The following ROPN1 variants were observed in gnomAD, a reference collection of about 807,000 sequenced individuals.
ROPN1 encodes the protein ropporin-1A.
Under a neutral mutation model 20.5 loss-of-function variants are expected in ROPN1, and 14 were observed. The observed-to-expected ratio is 0.68, with a 90% confidence interval of 0.45 to 1.07. ROPN1 has a LOEUF of 1.07. ROPN1 is among the 50% of genes least tolerant of loss of function. The probability of loss-of-function intolerance (pLI) is 0.00; values close to 1 mark genes in which losing one functional copy is unlikely to be tolerated. For synonymous variants in ROPN1, 76 were observed against 95.7 expected (o/e 0.79, Z 1.20); for missense variants, 169 against 242.8 (o/e 0.70, Z 2.02).
In ROPN1 at chr3:123,970,174, CATG is replaced by C. The variant is rs1309444520; in HGVS notation, c.437_439del (p.Ser146del). The C allele has an allele frequency of 1.2e-6, 2 of 1,613,966 alleles. No individual in the cohort carries two copies. The highest frequency in any genetic ancestry group is 2.7e-5 in the African/African-American group (2 of 74,914). On this transcript the variant is annotated inframe_deletion, in exon 5 of 6. Transcript: ENST00000405845. ...CCGGGGCGACCCACCATTATGGTCA[CATG>C]ATAAGACCTCACACACTATCTTGAG...
intron 1 of ROPN1, among the ~76,000 whole-genome samples, chr3:123,989,265 C>A (rs961796726): frequency 9.2e-5 from 14 of 152,208 alleles, no homozygotes; most frequent in Admixed American, 4.6e-4. Flanking sequence ...GGAAATATAG[C>A]TCAAGGCTTG....
chr3:123,975,828 A>G (rs2038008754), intron 3 of ROPN1: 1 of 374,590 alleles, frequency 2.7e-6, no homozygotes, highest in Non-Finnish European at 5.2e-6. Flanking sequence ...TTTATCTGCT[A>G]TTGTATTCCT....
In ROPN1 at chr3:123,980,487, G is replaced by C; in HGVS notation, c.-6C>G. On this transcript the variant is annotated 5_prime_UTR_variant, in exon 2 of 6. Transcript: ENST00000405845. The stretch of plus-strand genomic sequence containing the variant: ...GGCTTATCTGTCTGAGCCATTGATT[G>C]GTTGGCCTATTCTCAGGAGAAAAAA... 6.2e-7 allele frequency: 1 copy of C among 1,613,860 alleles called. No individual in the cohort carries two copies. The highest frequency in any genetic ancestry group is 8.5e-7 in the Non-Finnish European group (1 of 1,179,804).
At position 123,970,127 on chromosome 3, in the gene ROPN1, A is replaced by G. The variant is rs775619072; in HGVS notation, c.487T>C (p.Phe163Leu). 3.1e-6 allele frequency: 5 copies of G among 1,614,178 alleles called. No homozygotes were observed. The South Asian group carries it at 4.4e-5, about 14-fold the overall frequency. The change falls in exon 5 of 6, where the codon TTT (phenylalanine) becomes CTT (leucine). Residue 163 changes from phenylalanine (F) to leucine (L), a missense_variant. Coordinates refer to ENST00000405845, the MANE Select transcript of ROPN1 (RefSeq NM_001317774.2). ...ACTTTGGCAATATACGTGTAGAGAA[A>G]CTGGAAGGTGCTGAACGGGATCCGG... The part of the protein sequence containing the change: ...SPRIPFSTFQ[F>L]LYTYIAKVDG...
intron 1 of ROPN1, among the ~76,000 whole-genome samples, chr3:123,986,122 C>G (rs1239245425): frequency 1.4e-5 from 2 of 147,582 alleles, no homozygotes; most frequent in East Asian, 4.1e-4. Flanking sequence ...TCCCCCTTTA[C>G]TTACCAAATG....
At chr3:123,981,433 G>T (rs2038144334) in intron 1 of ROPN1, 1 of 153,640 alleles carries the variant, frequency 6.5e-6, no homozygotes. Flanking sequence ...TGCTAGGCAG[G>T]GTGGATAGAG....
chr3:123,972,691 GT>G (rs1345587566), intron 4 of ROPN1, among the ~76,000 whole-genome samples: 1 of 152,146 alleles, frequency 6.6e-6, no homozygotes, highest in Non-Finnish European at 1.5e-5. Context: ...AAAAATTCCT[GT>G]TACTAGATCT....
intron 4 of ROPN1, among the ~76,000 whole-genome samples, chr3:123,973,925 A>G (rs1209020310): frequency 6.6e-6 from 1 of 152,200 alleles, no homozygotes; most frequent in Admixed American, 6.5e-5. Flanking sequence ...AGGGAAGACT[A>G]AGGGATGTGA....
At chr3:123,986,493 C>T (rs2038259393) in intron 1 of ROPN1, among the ~76,000 whole-genome samples, 1 of 151,906 alleles carries the variant, frequency 6.6e-6, no homozygotes, top group South Asian at 2.1e-4. Flanking sequence ...GGTGCAAGTC[C>T]AGGTGACTTC....
chr3:123,979,995 A>C (rs936684086), intron 2 of ROPN1: 1 of 465,070 alleles, frequency 2.2e-6, no homozygotes, highest in Non-Finnish European at 3.8e-6. Flanking sequence ...GAAGAAAGGC[A>C]GATTAAGCTT....
intron 1 of ROPN1, among the ~76,000 whole-genome samples, chr3:123,988,803 C>G (rs2038330243): frequency 6.6e-6 from 1 of 151,962 alleles, no homozygotes; most frequent in African/African-American, 2.4e-5. Flanking sequence ...AAGTCACACA[C>G]TCTGCTTCAT....
At chr3:123,972,100 A>T (rs1037225890) in intron 4 of ROPN1, among the ~76,000 whole-genome samples, 1 of 152,320 alleles carries the variant, frequency 6.6e-6, no homozygotes, top group Middle Eastern at 3.4e-3. Context: ...GTCCTCCAGA[A>T]CTGAGAGACA....
At chr3:123,984,555 G>A (rs368827206) in intron 1 of ROPN1, among the ~76,000 whole-genome samples, 30 of 152,134 alleles carry the variant, frequency 2.0e-4, no homozygotes, top group African/African-American at 6.0e-4. Context: ...TCATTCTCTG[G>A]CCTGTCCTGT....
chr3:123,984,240 CGCCTTGT>C (rs2038207175), intron 1 of ROPN1, among the ~76,000 whole-genome samples: 1 of 152,236 alleles, frequency 6.6e-6, no homozygotes, highest in Admixed American at 6.5e-5. Flanking sequence ...TTTGACCTCT[CGCCTTGT>C]GCTTCTATTT....
At chr3:123,978,360 G>C (rs2038068080) in intron 2 of ROPN1, among the ~76,000 whole-genome samples, 1 of 152,204 alleles carries the variant, frequency 6.6e-6, no homozygotes, top group Non-Finnish European at 1.5e-5. Context: ...GAGGGACAGA[G>C]ACACACAGCA....
chr3:123,969,984 C>A (rs2037882934), intron 5 of ROPN1, 58 bp downstream of exon 5: 1 of 1,550,248 alleles, frequency 6.5e-7, no homozygotes, highest in South Asian at 1.1e-5. Flanking sequence ...ACTATCTTGG[C>A]CAGCTAGATT....
chr3:123,987,167 C>A (rs1036116028), intron 1 of ROPN1, among the ~76,000 whole-genome samples: 2 of 152,252 alleles, frequency 1.3e-5, no homozygotes, highest in Non-Finnish European at 2.9e-5. Flanking sequence ...AAGCAGCTCT[C>A]CCTGCCACCT....
At chr3:123,986,360 G>A (rs1215961214) in intron 1 of ROPN1, among the ~76,000 whole-genome samples, 1 of 152,044 alleles carries the variant, frequency 6.6e-6, no homozygotes, top group African/African-American at 2.4e-5. Context: ...ACATACAAAA[G>A]TTCCTGAAAT....
intron 1 of ROPN1, among the ~76,000 whole-genome samples, chr3:123,983,563 T>A (rs968347187): frequency 2.0e-5 from 3 of 152,194 alleles, no homozygotes; most frequent in African/African-American, 4.8e-5. Flanking sequence ...CTTCATCCCA[T>A]TGCTGTTTCT....
Sources: gnomAD v4.1 joint callset for allele counts (sites outside exome capture counted in the v4.1 genomes callset) on GRCh38, gnomAD v4.1.1 for gene constraint, MANE v1.5 for transcripts, NCBI Gene and HGNC (gene_info 2026-07-23, HGNC 2026-07-21) for gene names.